RELN: variants seen among roughly 807,000 people sequenced by gnomAD.
RELN encodes the protein reelin.
A neutral mutation model predicts 427.6 loss-of-function variants in RELN; 108 were observed. That is an observed-to-expected ratio of 0.25 (90% CI 0.22 to 0.30). RELN has a LOEUF of 0.30. Among genes scored for constraint, RELN ranks in the 10% least tolerant of loss-of-function variants. The pLI, the probability that RELN is intolerant of heterozygous loss-of-function variation, is 1.00. For missense variants in RELN, 3,715 were observed against 4,302.8 expected, an observed-to-expected ratio of 0.86 and a Z score of 3.82; for synonymous variants, 1,524 against 1,513.4, an observed-to-expected ratio of 1.01 and a Z score of -0.16.
chr7:103,965,758 C>T (rs1796647772), intron 1 of RELN, among the ~76,000 whole-genome samples: 1 of 152,040 alleles, frequency 6.6e-6, no homozygotes, highest in African/African-American at 2.4e-5. Context: ...TTGTTTCATA[C>T]AAAAGTCTAG....
chr7:103,802,412 A>G (rs1792490308), intron 3 of RELN, among the ~76,000 whole-genome samples: 1 of 152,196 alleles, frequency 6.6e-6, no homozygotes, highest in Non-Finnish European at 1.5e-5. Flanking sequence ...TTAAGTACAC[A>G]GTTAAAAGGA....
chr7:103,613,222 G>C (rs1345395521), intron 20 of RELN, among the ~76,000 whole-genome samples: 1 of 152,094 alleles, frequency 6.6e-6, no homozygotes, highest in Non-Finnish European at 1.5e-5. Context: ...TGACTCTAAA[G>C]CTTCTTAACC....
At chr7:103,944,933 C>G (rs1026009678) in intron 1 of RELN, among the ~76,000 whole-genome samples, 2 of 152,072 alleles carry the variant, frequency 1.3e-5, no homozygotes, top group Admixed American at 6.6e-5. Flanking sequence ...AAGGAAGAGT[C>G]TGTCATGCTT....
chr7:103,837,171 T>G (rs1471733336), intron 2 of RELN, among the ~76,000 whole-genome samples: 1 of 152,190 alleles, frequency 6.6e-6, no homozygotes, highest in East Asian at 1.9e-4. Context: ...CCCTGGCATA[T>G]CAGGATTACT....
intron 6 of RELN, among the ~76,000 whole-genome samples, chr7:103,743,799 C>A (rs959403037): frequency 1.2e-4 from 18 of 152,128 alleles, no homozygotes; most frequent in African/African-American, 4.1e-4. Context: ...CTTAGACTCC[C>A]ACACAATAAT....
chr7:103,786,148 TC>T (rs1381944220), intron 3 of RELN, among the ~76,000 whole-genome samples: 2 of 152,102 alleles, frequency 1.3e-5, no homozygotes, highest in African/African-American at 4.8e-5. Flanking sequence ...AAACTTTTTT[TC>T]CGTTATAAAG....
intron 4 of RELN, among the ~76,000 whole-genome samples, chr7:103,757,796 T>C (rs1791198708): frequency 6.6e-6 from 1 of 152,114 alleles, no homozygotes; most frequent in Non-Finnish European, 1.5e-5. Context: ...GAGAGGAAGA[T>C]AGGCTGGAGT....
Position 103,635,405 on chromosome 7 carries a change from C to G in RELN, c.2465+20G>C. ...AAGATTTCACTCTACAACCATTTTT[C>G]CAAATGCTTTCCAACATACCTGGGC... On this transcript the variant is annotated intron_variant, in intron 19 of 64. Transcript: ENST00000428762. 1 of 1,612,454 alleles carries G rather than the reference C, an allele frequency of 6.2e-7. No individual in the cohort carries two copies. Among genetic ancestry groups the G allele is most frequent in the Non-Finnish European group, 8.5e-7 (1 of 1,179,148 alleles).
At chr7:103,592,209 G>T (rs1831431972) in intron 27 of RELN, among the ~76,000 whole-genome samples, 2 of 149,448 alleles carry the variant, frequency 1.3e-5, no homozygotes, top group East Asian at 3.9e-4. Context: ...TCCTTAAGTA[G>T]GCCCCAGTGT....
rs577528113 is a variant in RELN at position 103,797,440 on chromosome 7, A to G, written c.474-20813T>C. Among the ~76,000 whole-genome samples the G allele has an allele frequency of 5.9e-5, 9 of 152,272 alleles. No individual in the cohort carries two copies. In the South Asian group the frequency reaches 1.2e-3, roughly 21 times the overall value. On this transcript the variant is annotated intron_variant, in intron 3 of 64. Coordinates refer to ENST00000428762, the MANE Select transcript of RELN (RefSeq NM_005045.4). ...TTAGACTGATGGAAAAGTTGCTAAG[A>G]TTAGAACAATGCCAAGATAGAACAA...
At chr7:103,600,692 C>T (rs1015106989) in intron 24 of RELN, among the ~76,000 whole-genome samples, 3 of 151,928 alleles carry the variant, frequency 2.0e-5, no homozygotes, top group African/African-American at 7.3e-5. Flanking sequence ...AATGAATCAA[C>T]AGAAAAAAGT....
intron 25 of RELN, among the ~76,000 whole-genome samples, chr7:103,594,803 A>G (rs1831501006): frequency 6.6e-6 from 1 of 152,236 alleles, no homozygotes; most frequent in South Asian, 2.1e-4. Flanking sequence ...TTAAAGAAAT[A>G]TCAAGATAAA....
At chr7:103,500,723 T>C (rs1053592787) in intron 53 of RELN, 22 bp downstream of exon 53, 1 of 1,613,378 alleles carries the variant, frequency 6.2e-7, no homozygotes, top group Non-Finnish European at 8.5e-7. Context: ...GTAATGCGTC[T>C]TGTCCAGGGC....
intron 2 of RELN, among the ~76,000 whole-genome samples, chr7:103,875,420 C>A (rs1288956169): frequency 2.0e-5 from 3 of 152,040 alleles, no homozygotes; most frequent in Admixed American, 1.3e-4. Context: ...AGTGAACAGG[C>A]AACCTACAAA....
intron 49 of RELN, among the ~76,000 whole-genome samples, chr7:103,515,981 T>C (rs1044213393): frequency 2.0e-5 from 3 of 152,182 alleles, no homozygotes; most frequent in Admixed American, 6.5e-5. Context: ...ACTTTGTTTA[T>C]ATGCTTTGTT....
chr7:103,829,643 C>A (rs1019161402), intron 3 of RELN, among the ~76,000 whole-genome samples: 1 of 151,882 alleles, frequency 6.6e-6, no homozygotes, highest in African/African-American at 2.4e-5. Flanking sequence ...AAATCATCCT[C>A]TCCTCTATGT....
chr7:103,967,931 G>A (rs1029562910), intron 1 of RELN, among the ~76,000 whole-genome samples: 10 of 151,752 alleles, frequency 6.6e-5, no homozygotes, highest in African/African-American at 2.2e-4. Context: ...CTTTCCTGTC[G>A]CACCATTTAT....
In RELN at chr7:103,824,625, A is replaced by AGTGT. The variant is rs1793086514; in HGVS notation, c.473+8911_473+8912insACAC. 1.2e-5 allele frequency among the ~76,000 whole-genome samples: 1 copy of AGTGT among 81,812 alleles called. No homozygotes were observed. Among genetic ancestry groups the AGTGT allele is most frequent in the Non-Finnish European group, 2.3e-5 (1 of 43,160 alleles). The allele number at this position is 81,812 out of a possible 152,430, so 53.7% of individuals were successfully genotyped here. A position where few individuals can be genotyped will look rare whatever the true frequency, so the allele number is the denominator to read the frequency against. ...CAGTGTTTTCACTTTCTTTCAAAACAGAGTGTGTGTGTGTGTGTGTGTGTG... is the reference window on the plus strand; with the variant it reads ...CAGTGTTTTCACTTTCTTTCAAAACAGTGTGAGTGTGTGTGTGTGTGTGTGTGTG... On this transcript the variant is annotated intron_variant, in intron 3 of 64. Transcript: ENST00000428762. The surrounding 1 kb of genome is among the most constrained non-coding windows in gnomAD (Gnocchi z 4.4).
Position 103,710,551 on chromosome 7 carries a change from G to A in RELN, c.806-9545C>T, listed in dbSNP as rs145047367. Among the ~76,000 whole-genome samples, 183 of 152,330 alleles carry A rather than the reference G, an allele frequency of 1.2e-3. 1 individual carries two copies. Among genetic ancestry groups the A allele is most frequent in the African/African-American group, 4.2e-3 (176 of 41,564 alleles). ...TAAGATTAGTCACTATACAAGGGAAGTTGAAATGTCCTCAAATATAAATAA... is the reference window on the plus strand; with the variant it reads ...TAAGATTAGTCACTATACAAGGGAAATTGAAATGTCCTCAAATATAAATAA... On this transcript the variant is annotated intron_variant, in intron 8 of 64. Transcript: ENST00000428762.
Sources: gnomAD v4.1 joint callset for allele counts (sites outside exome capture counted in the v4.1 genomes callset) on GRCh38, gnomAD v4.1.1 for gene constraint, Gnocchi (gnomAD v3.1) non-coding constraint, MANE v1.5 for transcripts, NCBI Gene and HGNC (gene_info 2026-07-23, HGNC 2026-07-21) for gene names.